FOXO3B: variants seen among roughly 807,000 people sequenced by gnomAD.
The protein encoded by FOXO3B is forkhead box protein O3B.
A neutral mutation model predicts 21.9 loss-of-function variants in FOXO3B; 15 were observed. The observed-to-expected ratio is 0.68, with a 90% CI of 0.46 to 1.05. The LOEUF (loss-of-function observed/expected upper bound fraction) is 1.05, where lower values mean the gene tolerates loss of function less well. Ranked by LOEUF, FOXO3B falls within the 50% of genes least tolerant of loss-of-function variation. FOXO3B has a pLI of 0.00. For synonymous variants in FOXO3B, 135 were observed against 213.6 expected, an observed-to-expected ratio of 0.63 and a Z score of 3.21; for missense variants, 293 against 435.5, an observed-to-expected ratio of 0.67 and a Z score of 2.91.
At chr17:18,680,670 T>C in intron 3 of FOXO3B, 71 bp downstream of exon 3, 1 of 1,399,374 alleles carries the variant, frequency 7.1e-7, no homozygotes, top group East Asian at 2.3e-5. Flanking sequence ...AAACTCCACA[T>C]CACAAAGAAG....
chr17:18,680,444 A>C (rs1339768078), intron 3 of FOXO3B, among the ~76,000 whole-genome samples: 1 of 151,926 alleles, frequency 6.6e-6, no homozygotes, highest in East Asian at 1.9e-4. Flanking sequence ...ATTATATTTA[A>C]AATAGTTTCT....
chr17:18,671,345 A>G lies in FOXO3B; in HGVS notation c.*964T>C, dbSNP rs1318005868. On this transcript the variant is annotated 3_prime_UTR_variant, in exon 4 of 4. Transcript: ENST00000395675. ...GGTGGAGCAAGTTCTGATTGACCAC[A>G]CTTCCCTGGTTAGGCTGGGCAGCAA... 60 of 1,613,612 alleles carry G rather than the reference A, an allele frequency of 3.7e-5. No individual in the cohort carries two copies. Among genetic ancestry groups the G allele is most frequent in the Non-Finnish European group, 5.1e-5 (60 of 1,179,836 alleles).
In FOXO3B at chr17:18,671,797, T is replaced by C; in HGVS notation, c.*512A>G. On this transcript the variant is annotated 3_prime_UTR_variant, in exon 4 of 4. Transcript: ENST00000395675. Reference sequence around the variant, plus strand: ...TTTTCAGTCAGCCCCATCATTCAGATTCATGGTGCCTGCCATGTCAGTCAG... The same window carrying C: ...TTTTCAGTCAGCCCCATCATTCAGACTCATGGTGCCTGCCATGTCAGTCAG... 7.5e-6 allele frequency: 12 copies of C among 1,609,904 alleles called. 1 individual carries two copies. The highest frequency in any genetic ancestry group is 4.4e-5 in the South Asian group (4 of 90,998).
In FOXO3B at chr17:18,670,834, G is replaced by A. The variant is rs2032350444; in HGVS notation, c.*1475C>T. The A allele has an allele frequency of 6.6e-7, 1 of 1,510,994 alleles. No homozygotes were observed. The allele number at this position is 1,510,994 out of a possible 1,614,324, so 93.6% of individuals were successfully genotyped here. A position where few individuals can be genotyped will look rare whatever the true frequency, so the allele number is the denominator to read the frequency against. ...ACTTGCTGAGAGCAGATTTGGCAAA[G>A]GGTTTTCTCTGTAGGTCTTGTGTCA... On this transcript the variant is annotated 3_prime_UTR_variant, in exon 4 of 4. Coordinates refer to ENST00000395675, the MANE Select transcript of FOXO3B (RefSeq NM_001368135.1).
Position 18,680,767 on chromosome 17 carries a change from C to G in FOXO3B, c.100G>C (p.Ala34Pro), listed in dbSNP as rs755597450. 1 of 1,613,918 alleles carries G rather than the reference C, an allele frequency of 6.2e-7. No individual in the cohort carries two copies. The highest frequency in any genetic ancestry group is 1.1e-5 in the South Asian group (1 of 91,044). Residue 34 changes from alanine (A) to proline (P), a missense_variant, in exon 3 of 4, where the codon GCT becomes CCT. Ala to Pro is a conservative substitution (Grantham distance 27). Transcript: ENST00000395675. The part of the protein sequence containing the change: ...EKSTEEGEVA[A>P]LRLTARSQAA... ...TGGGATCTGGCCGTGAGGCGCAGAG[C>G]AGCCACTTCTCCCTCTTCTGTGCTC...
Position 18,674,647 on chromosome 17 carries a change from G to GC in FOXO3B, c.127-1593_127-1592insG, listed in dbSNP as rs1555619494. Among the ~76,000 whole-genome samples, 10 of 146,024 alleles carry GC rather than the reference G, an allele frequency of 6.8e-5. 1 individual carries two copies. The highest frequency in any genetic ancestry group is 6.9e-3 in the Middle Eastern group (2 of 288). ...TCTCAAAAAAAAAAAAAAGGGGGGG[G>GC]GGAGATTACAGACAAATGCAAATTT... On this transcript the variant is annotated intron_variant, in intron 3 of 3. Coordinates refer to ENST00000395675, the MANE Select transcript of FOXO3B (RefSeq NM_001368135.1).
chr17:18,674,393 A>C (rs567551995), intron 3 of FOXO3B, among the ~76,000 whole-genome samples: 1 of 150,494 alleles, frequency 6.6e-6, no homozygotes, highest in South Asian at 2.1e-4. Context: ...TGGGAGGCCA[A>C]GGAGGGCGGA....
chr17:18,672,090 T>C lies in FOXO3B; in HGVS notation c.*219A>G. On this transcript the variant is annotated 3_prime_UTR_variant, in exon 4 of 4. Transcript: ENST00000395675. The surrounding 1 kb of genome is among the most constrained non-coding windows in gnomAD (Gnocchi z 4.2). ...GCTGGGAGGGACTGTCGTCAGCTGA[T>C]TCGGGGGCTGTCTGCAGGGCTGCCT... The C allele has an allele frequency of 6.2e-7, 1 of 1,610,402 alleles. No homozygotes were observed. The highest frequency in any genetic ancestry group is 8.5e-7 in the Non-Finnish European group (1 of 1,178,092).
rs2032313488 is a variant in FOXO3B, at chr17:18,668,855, G to A, written c.*3454C>T. 1 of 152,118 alleles carries A rather than the reference G, an allele frequency of 6.6e-6. No individual in the cohort carries two copies. Among genetic ancestry groups the A allele is most frequent in the South Asian group, 2.1e-4 (1 of 4,830 alleles). The allele number at this position is 152,118 out of a possible 1,614,324, so 9.4% of individuals were successfully genotyped here. ...AGCACATTACTAAAGAATCCAGGAA[G>A]TGGCTAGCATTATTATAAAGGAATA... On this transcript the variant is annotated 3_prime_UTR_variant, in exon 4 of 4. Coordinates refer to ENST00000395675, the MANE Select transcript of FOXO3B (RefSeq NM_001368135.1).
intron 3 of FOXO3B, among the ~76,000 whole-genome samples, chr17:18,678,427 G>A (rs2032530841): frequency 6.6e-6 from 1 of 151,672 alleles, no homozygotes; most frequent in Non-Finnish European, 1.5e-5. Context: ...AGTAGAGAGA[G>A]GCAGGGACTG....
Position 18,680,765 on chromosome 17 carries a change from A to G in FOXO3B, c.102T>C (p.Ala34=), listed in dbSNP as rs752224660. 2 of 1,613,996 alleles carry G rather than the reference A, an allele frequency of 1.2e-6. No individual in the cohort carries two copies. The highest frequency in any genetic ancestry group is 8.5e-7 in the Non-Finnish European group (1 of 1,179,986). ...EKSTEEGEVA[A]LRLTARSQAA... is the part of the protein sequence containing the mutation. ...CCTGGGATCTGGCCGTGAGGCGCAG[A>G]GCAGCCACTTCTCCCTCTTCTGTGC... Residue 34 remains alanine (A), a synonymous_variant, in exon 3 of 4, where the codon GCT becomes GCC. Coordinates refer to ENST00000395675, the MANE Select transcript of FOXO3B (RefSeq NM_001368135.1).
rs1276109478 is a variant in FOXO3B, at chr17:18,672,895, A to G, written c.287T>C (p.Leu96Pro). Residue 96 changes from leucine (L) to proline (P), a missense_variant, in exon 4 of 4, where the codon CTT becomes CCT. Physicochemically the swap from Leu to Pro is moderately conservative, Grantham distance 98 (BLOSUM62 -3). Coordinates refer to ENST00000395675, the MANE Select transcript of FOXO3B (RefSeq NM_001368135.1). This position sits in a 1 kb window ranked among gnomAD's most constrained non-coding sequence, Gnocchi z 4.2. ...MAEAPASPAP[L>P]SPLEVELDPE... ...GTCCAGCTCCACTTCGAGCGGAGAA[A>G]GCGGGGCCGGGGAAGCCGGTGCCTC... The G allele has an allele frequency of 6.4e-7, 1 of 1,558,434 alleles. No homozygotes were observed. The highest frequency in any genetic ancestry group is 8.7e-7 in the Non-Finnish European group (1 of 1,154,156).
intron 3 of FOXO3B, among the ~76,000 whole-genome samples, chr17:18,677,911 CAAAAA>C (rs57669387): frequency 1.2e-4 from 11 of 92,686 alleles, no homozygotes; most frequent in Non-Finnish European, 1.7e-4. Context: ...GTTGGAAAAG[CAAAAA>C]AAAAAAAAAA....
intron 3 of FOXO3B, among the ~76,000 whole-genome samples, chr17:18,680,060 C>T (rs1218825783): frequency 1.3e-5 from 2 of 152,066 alleles, no homozygotes; most frequent in African/African-American, 4.8e-5. Context: ...AGGATGGTCT[C>T]AATCTCCTGA....
At position 18,674,049 on chromosome 17, in the gene FOXO3B, T is replaced by G. The variant is rs189282178; in HGVS notation, c.127-994A>C. On this transcript the variant is annotated intron_variant, in intron 3 of 3. Coordinates refer to ENST00000395675, the MANE Select transcript of FOXO3B (RefSeq NM_001368135.1). ...GGAAATTTAGACTTATTTTAGACATTCAGTTTTAAACATGTTGTATTGAAG... is the reference window on the plus strand; with the variant it reads ...GGAAATTTAGACTTATTTTAGACATGCAGTTTTAAACATGTTGTATTGAAG... Among the ~76,000 whole-genome samples, 191 of 152,066 alleles carry G rather than the reference T, an allele frequency of 1.3e-3. 1 individual carries two copies. Among genetic ancestry groups the G allele is most frequent in the African/African-American group, 1.6e-3 (65 of 41,352 alleles).
At position 18,680,725 on chromosome 17, in the gene FOXO3B, CA is replaced by C; in HGVS notation, c.126+15del. On this transcript the variant is annotated intron_variant, in intron 3 of 3. Coordinates refer to ENST00000395675, the MANE Select transcript of FOXO3B (RefSeq NM_001368135.1). ...AGAAACAAGGTGTAATTCCAATAATCAGCAGACTCACTCACCTGGGATCTGG... is the reference window on the plus strand; with the variant it reads ...AGAAACAAGGTGTAATTCCAATAATCGCAGACTCACTCACCTGGGATCTGG... 1 of 1,613,772 alleles carries C rather than the reference CA, an allele frequency of 6.2e-7. No homozygotes were observed. The highest frequency in any genetic ancestry group is 8.5e-7 in the Non-Finnish European group (1 of 1,179,788).
Position 18,669,400 on chromosome 17 carries a change from T to C in FOXO3B, c.*2909A>G, listed in dbSNP as rs2032322251. ...ATAATAAAATATATTTATACATTTA[T>C]ACGCCTAATGCTTTTTATGCAAAGA... On this transcript the variant is annotated 3_prime_UTR_variant, in exon 4 of 4. Coordinates refer to ENST00000395675, the MANE Select transcript of FOXO3B (RefSeq NM_001368135.1). 1 of 150,038 alleles carries C rather than the reference T, an allele frequency of 6.7e-6. No individual in the cohort carries two copies. The highest frequency in any genetic ancestry group is 2.6e-5 in the African/African-American group (1 of 39,160). The allele number at this position is 150,038 out of a possible 1,614,324, so 9.3% of individuals were successfully genotyped here.
chr17:18,676,989 C>T (rs1289679213), intron 3 of FOXO3B, among the ~76,000 whole-genome samples: 1 of 152,242 alleles, frequency 6.6e-6, no homozygotes, highest in Admixed American at 6.5e-5. Flanking sequence ...AGGCGTGAGT[C>T]ACCACACCCA....
rs1265618458 is a variant in FOXO3B at position 18,672,593 on chromosome 17, G to C, written c.589C>G (p.Pro197Ala). Residue 197 changes from proline (P) to alanine (A), a missense_variant, in exon 4 of 4, where the codon CCA becomes GCA. By Grantham distance (27) the Pro-to-Ala change is conservative (BLOSUM62 -1). Around this residue, in one of 2 missense-constraint regions of FOXO3B, gnomAD observed 251 missense variants for 404.0 expected, o/e 0.62. Transcript: ENST00000395675. The surrounding 1 kb of genome is among the most constrained non-coding windows in gnomAD (Gnocchi z 4.2). The part of the protein sequence containing the change: ...APGGQDPGSG[P>A]ATAAGGLSGG... ...CTCAGCCCGCCCGCCGCGGTGGCTG[G>C]CCCAGACCCGGGGTCTTGCCCTCCG... is the stretch of plus-strand genomic sequence containing the variant. 1.3e-5 allele frequency: 19 copies of C among 1,435,948 alleles called. No individual in the cohort carries two copies. Among genetic ancestry groups the C allele is most frequent in the Non-Finnish European group, 1.5e-5 (17 of 1,105,054 alleles). The allele number at this position is 1,435,948 out of a possible 1,614,324, so 89.0% of individuals were successfully genotyped here.
Sources: gnomAD v4.1 joint callset for allele counts (sites outside exome capture counted in the v4.1 genomes callset) on GRCh38, gnomAD v4.1.1 for gene constraint, gnomAD v4.1.1 regional missense constraint, Gnocchi (gnomAD v3.1) non-coding constraint, MANE v1.5 for transcripts, NCBI Gene and HGNC (gene_info 2026-07-23, HGNC 2026-07-21) for gene names.